Variants in ZNF587B observed in about 807,000 individuals in gnomAD.
ZNF587B encodes zinc finger protein 587B.
Under a neutral mutation model 7.2 loss-of-function variants are expected in ZNF587B, and 6 were observed. The ratio of observed to expected loss-of-function variants is 0.83; its 90% CI spans 0.46 to 1.65. The LOEUF (loss-of-function observed/expected upper bound fraction) is 1.65, where lower values mean the gene tolerates loss of function less well. ZNF587B is among the 40% of genes most tolerant of loss of function. The pLI is 0.01. For synonymous variants in ZNF587B, 274 were observed against 254.3 expected (o/e 1.08, Z -0.74); for missense variants, 749 against 761.0 (o/e 0.98, Z 0.19).
In ZNF587B at chr19:57,830,467, A is replaced by G. The variant is rs1268559344; in HGVS notation, c.-62A>G. On this transcript the variant is annotated 5_prime_UTR_variant, in exon 1 of 3. It removes an upstream start codon present in the reference 5' UTR. Transcript: ENST00000594901. ...CCCCTGGGCCAGGATAGGGACCGTC[A>G]TGCCCATATCTCCTGGCTGGTCACC... 1.4e-5 allele frequency: 22 copies of G among 1,535,422 alleles called. No individual in the cohort carries two copies. Among genetic ancestry groups the G allele is most frequent in the Middle Eastern group, 1.7e-4 (1 of 5,996 alleles).
At chr19:57,831,576 T>A (rs1988396461) in intron 1 of ZNF587B, among the ~76,000 whole-genome samples, 1 of 151,950 alleles carries the variant, frequency 6.6e-6, no homozygotes, top group African/African-American at 2.4e-5. Flanking sequence ...GTATGTTTAG[T>A]AGAGATGGAG....
chr19:57,831,372 C>T (rs1988385781), intron 1 of ZNF587B, among the ~76,000 whole-genome samples: 1 of 152,184 alleles, frequency 6.6e-6, no homozygotes, highest in Non-Finnish European at 1.5e-5. Flanking sequence ...CGTTGGTGAC[C>T]TTACCTCGTT....
intron 1 of ZNF587B, among the ~76,000 whole-genome samples, chr19:57,837,549 C>T (rs545920591): frequency 2.0e-5 from 3 of 151,668 alleles, no homozygotes; most frequent in Non-Finnish European, 4.4e-5. Context: ...CCCAGGTTCA[C>T]GCCATTCTCC....
chr19:57,840,594 G>C lies in ZNF587B; in HGVS notation c.164-244G>C, dbSNP rs11666791. On this transcript the variant is annotated intron_variant, in intron 2 of 2. Coordinates refer to ENST00000594901, the MANE Select transcript of ZNF587B (RefSeq NM_001376223.1). ...GTGGTTTGCAGATGCAGGGATTGTA[G>C]ACCCTGCCTCTACTCCCTGTGTTAC... is the stretch of plus-strand genomic sequence containing the variant. Among the ~76,000 whole-genome samples, 522 of 152,296 alleles carry C rather than the reference G, an allele frequency of 3.4e-3. 2 individuals carry two copies. The highest frequency in any genetic ancestry group is 6.3e-3 in the Non-Finnish European group (430 of 68,028).
Position 57,841,245 on chromosome 19 carries a change from A to G in ZNF587B, c.571A>G (p.Ser191Gly), listed in dbSNP as rs1274832534. The change falls in exon 3 of 3, where the codon AGT becomes GGT. Residue 191 changes from serine (S) to glycine (G), a missense_variant. Ser to Gly is a moderately conservative substitution (Grantham distance 56, BLOSUM62 0). Transcript: ENST00000594901. ...GTCAGGATTACTCCAGCAGGAGGCC[A>G]GTCACACTGGGGAGAAGTCAAACAG... ...PRSGLLQQEA[S>G]HTGEKSNSKT... 6.2e-7 allele frequency: 1 copy of G among 1,614,166 alleles called. No individual in the cohort carries two copies. Among genetic ancestry groups the G allele is most frequent in the Non-Finnish European group, 8.5e-7 (1 of 1,180,034 alleles).
chr19:57,832,384 C>G (rs539557552), intron 1 of ZNF587B, among the ~76,000 whole-genome samples: 142 of 152,362 alleles, frequency 9.3e-4, no homozygotes, highest in Non-Finnish European at 1.6e-3. Flanking sequence ...TGTGCCCGGC[C>G]AATTCTATTT....
intron 2 of ZNF587B, among the ~76,000 whole-genome samples, chr19:57,840,196 G>T (rs1425409875): frequency 1.3e-5 from 2 of 151,064 alleles, no homozygotes; most frequent in East Asian, 2.0e-4. Flanking sequence ...CATTTTTGTG[G>T]CAAGAGAAGT....
rs936700768 is a variant in ZNF587B, at chr19:57,842,905, A to G, written c.*329A>G. On this transcript the variant is annotated 3_prime_UTR_variant, in exon 3 of 3. Coordinates refer to ENST00000594901, the MANE Select transcript of ZNF587B (RefSeq NM_001376223.1). Reference sequence around the variant, plus strand: ...TGCCTTTTGAATGTAATGTTTGCAAAAAAGCACTGTGCCTTCTGTCATTGA... The same window carrying G: ...TGCCTTTTGAATGTAATGTTTGCAAGAAAGCACTGTGCCTTCTGTCATTGA... 30 of 985,436 alleles carry G rather than the reference A, an allele frequency of 3.0e-5. No individual in the cohort carries two copies. In the African/African-American group the frequency reaches 4.9e-4, roughly 16 times the overall value. 61.0% of individuals were successfully genotyped at this position (985,436 alleles called of 1,614,324 possible). A position where few individuals can be genotyped will look rare whatever the true frequency, so the allele number is the denominator to read the frequency against.
Position 57,843,237 on chromosome 19 carries a change from A to G in ZNF587B, c.*661A>G, listed in dbSNP as rs1487071459. ...GAACTCCTGAGCTCAAGCAATCTGT[A>G]CACCTCAGCCTCCCAAAGTGCTGAG... is the stretch of plus-strand genomic sequence containing the variant. On this transcript the variant is annotated 3_prime_UTR_variant, in exon 3 of 3. Transcript: ENST00000594901. 1 of 934,212 alleles carries G rather than the reference A, an allele frequency of 1.1e-6. No homozygotes were observed. Among genetic ancestry groups the G allele is most frequent in the Non-Finnish European group, 1.3e-6 (1 of 783,476 alleles). The allele number at this position is 934,212 out of a possible 1,614,324, so 57.9% of individuals were successfully genotyped here. A position where few individuals can be genotyped will look rare whatever the true frequency, so the allele number is the denominator to read the frequency against.
chr19:57,837,915 C>T (rs1002409069), intron 1 of ZNF587B, among the ~76,000 whole-genome samples: 11 of 152,088 alleles, frequency 7.2e-5, no homozygotes, highest in Admixed American at 5.9e-4. Flanking sequence ...CTGCTCTTGA[C>T]GACATCTGTA....
chr19:57,841,079 T>C lies in ZNF587B; in HGVS notation c.405T>C (p.Phe135=). 3 of 1,613,866 alleles carry C rather than the reference T, an allele frequency of 1.9e-6. No homozygotes were observed. Among genetic ancestry groups the C allele is most frequent in the Non-Finnish European group, 2.5e-6 (3 of 1,179,978 alleles). The change falls in exon 3 of 3, where the codon TTT becomes TTC. Residue 135 remains phenylalanine, a synonymous_variant. Transcript: ENST00000594901. ...WGNKLYDSGN[F]HQHQNEHIGE... ...ATAAATTGTATGACAGTGGAAACTT[T>C]CATCAGCACCAGAATGAGCACATTG... is the stretch of plus-strand genomic sequence containing the variant.
chr19:57,830,587 C>T (rs1457659430), intron 1 of ZNF587B, 23 bp downstream of exon 1: 1 of 1,549,166 alleles, frequency 6.5e-7, no homozygotes, highest in Admixed American at 2.0e-5. Flanking sequence ...CCTTCCATGC[C>T]CTCAGGTCAC....
intron 1 of ZNF587B, among the ~76,000 whole-genome samples, chr19:57,832,963 T>TA (rs1382038501): frequency 6.6e-6 from 1 of 152,124 alleles, no homozygotes; most frequent in African/African-American, 2.4e-5. Flanking sequence ...CCCCTTTAGC[T>TA]ACCACCACTG....
At position 57,842,494 on chromosome 19, in the gene ZNF587B, G is replaced by A. The variant is rs1315397933; in HGVS notation, c.1820G>A (p.Gly607Glu). Residue 607 changes from glycine (G) to glutamate (E), a missense_variant, in exon 3 of 3, where the codon GGG becomes GAG. Physicochemically the swap from Gly to Glu is moderately conservative, Grantham distance 98 (BLOSUM62 -2). Around this residue, in one of 3 missense-constraint regions of ZNF587B, gnomAD observed 656 missense variants for 596.5 expected, o/e 1.10. Transcript: ENST00000594901. The part of the protein sequence containing the change: ...RRVHTGEKPY[G>E]CSECEKKFRK... ...GTTCACACTGGAGAAAAGCCTTATG[G>A]GTGTAGTGAATGTGAAAAAAAATTT... The A allele has an allele frequency of 6.4e-7, 1 of 1,574,212 alleles. No homozygotes were observed. The highest frequency in any genetic ancestry group is 1.2e-5 in the South Asian group (1 of 83,922).
chr19:57,832,022 T>C (rs1165533576), intron 1 of ZNF587B, among the ~76,000 whole-genome samples: 3 of 152,046 alleles, frequency 2.0e-5, no homozygotes, highest in Non-Finnish European at 2.9e-5. Context: ...ATTTTTTTAT[T>C]TGTTTACTAA....
chr19:57,840,585 G>A (rs1988801249), intron 2 of ZNF587B, among the ~76,000 whole-genome samples: 1 of 152,172 alleles, frequency 6.6e-6, no homozygotes, highest in Non-Finnish European at 1.5e-5. Context: ...TGCAGATGCA[G>A]GGATTGTAGA....
chr19:57,834,844 T>TAA (rs1169760619), intron 1 of ZNF587B, among the ~76,000 whole-genome samples: 11 of 127,446 alleles, frequency 8.6e-5, no homozygotes, highest in African/African-American at 2.3e-4. Flanking sequence ...GACTCTCTCT[T>TAA]AAAAAAAAAA....
rs536961189 is a variant in ZNF587B at position 57,842,391 on chromosome 19, A to G, written c.1717A>G (p.Thr573Ala). 290 of 1,601,910 alleles carry G rather than the reference A, an allele frequency of 1.8e-4. 1 individual carries two copies. Among genetic ancestry groups the G allele is most frequent in the Non-Finnish European group, 2.4e-4 (280 of 1,175,070 alleles). Residue 573 changes from threonine to alanine, a missense_variant, in exon 3 of 3, where the codon ACT becomes GCT. Around this residue, in one of 3 missense-constraint regions of ZNF587B, gnomAD observed 656 missense variants for 596.5 expected, o/e 1.10. Transcript: ENST00000594901. ...SYLTSHRRVH[T>A]GQKPYECSEC... ...TCTCACTAGTCACAGGAGAGTTCAC[A>G]CTGGTCAGAAGCCTTATGAGTGCAG...
chr19:57,842,520 A>G lies in ZNF587B; in HGVS notation c.1846A>G (p.Arg616Gly). 6.4e-7 allele frequency: 1 copy of G among 1,556,692 alleles called. No homozygotes were observed. ...YGCSECEKKF[R>G]KSSSLRYHQR... is the part of the protein sequence containing the mutation. ...GTGTAGTGAATGTGAAAAAAAATTT[A>G]GGAAAAGCTCTTCACTTCGTTACCA... Residue 616 changes from arginine to glycine, a missense_variant, in exon 3 of 3, where the codon AGG becomes GGG. By Grantham distance (125) the Arg-to-Gly change is moderately radical (BLOSUM62 -2). This residue lies in a region of ZNF587B where 656 missense variants were observed against 596.5 expected (regional missense o/e 1.10). Coordinates refer to ENST00000594901, the MANE Select transcript of ZNF587B (RefSeq NM_001376223.1).
Sources: gnomAD v4.1 joint callset for allele counts (sites outside exome capture counted in the v4.1 genomes callset) on GRCh38, gnomAD v4.1.1 for gene constraint, gnomAD v4.1.1 regional missense constraint, MANE v1.5 for transcripts, NCBI Gene and HGNC (gene_info 2026-07-23, HGNC 2026-07-21) for gene names.